FER: variants seen among roughly 807,000 people sequenced by gnomAD.
FER encodes tyrosine-protein kinase Fer.
In FER, 63 loss-of-function variants were observed where a neutral mutation model predicts 111.0. The observed-to-expected ratio is 0.57, with a 90% CI of 0.46 to 0.70. The LOEUF is 0.70. Among genes scored for constraint, FER ranks in the 30% least tolerant of loss-of-function variants. FER has a pLI of 0.00. For missense variants in FER, 914 were observed against 954.0 expected, an observed-to-expected ratio of 0.96 and a Z score of 0.55; for synonymous variants, 327 against 313.9, an observed-to-expected ratio of 1.04 and a Z score of -0.44.
rs567710106 is a variant in FER, at chr5:108,764,331, A to G, written c.-205-3762A>G. Among the ~76,000 whole-genome samples, 32 of 152,210 alleles carry G rather than the reference A, an allele frequency of 2.1e-4. No individual in the cohort carries two copies. The South Asian group carries it at 6.6e-3, about 32-fold the overall frequency. ...CTACTTCATTTATTTTTTACCTACC[A>G]CATATCATGAACAAGAAATTTTCTT... On this transcript the variant is annotated intron_variant, in intron 1 of 19. Transcript: ENST00000281092.
intron 13 of FER, among the ~76,000 whole-genome samples, chr5:108,999,284 A>G (rs565831093): frequency 2.6e-5 from 4 of 152,090 alleles, no homozygotes; most frequent in South Asian, 2.1e-4. Flanking sequence ...TTTTTATACA[A>G]TTTTACTATT....
chr5:108,965,014 A>G lies in FER; in HGVS notation c.1656+5667A>G, dbSNP rs373130470. On this transcript the variant is annotated intron_variant, in intron 13 of 19. Coordinates refer to ENST00000281092, the MANE Select transcript of FER (RefSeq NM_005246.4). ...TAGCTCTTTAAAATTAGATAATTAA[A>G]TATCAAATTGGATTTCCAGGCATGG... Among the ~76,000 whole-genome samples the G allele has an allele frequency of 2.0e-4, 31 of 152,270 alleles. 1 individual carries two copies. In the East Asian group the frequency reaches 2.5e-3, roughly 12 times the overall value.
At chr5:109,026,571 A>G (rs11952784) in intron 13 of FER, among the ~76,000 whole-genome samples, 2,506 of 152,322 alleles carry the variant, frequency 0.016, 58 homozygotes, top group African/African-American at 0.057. Flanking sequence ...GGAGATAATG[A>G]AGCAGGCTGA....
chr5:108,782,768 G>A (rs1754239662), intron 2 of FER: 1 of 152,184 alleles, frequency 6.6e-6, no homozygotes, highest in African/African-American at 2.4e-5. Flanking sequence ...ATGAGCCACT[G>A]TGCAAGGACT....
At chr5:109,174,319 A>G (rs1302296744) in intron 17 of FER, among the ~76,000 whole-genome samples, 1 of 152,222 alleles carries the variant, frequency 6.6e-6, no homozygotes, top group Non-Finnish European at 1.5e-5. Flanking sequence ...AAATGGAAAT[A>G]AGCAACATCT....
chr5:109,149,841 A>G (rs1183298275), intron 17 of FER, among the ~76,000 whole-genome samples: 1 of 152,156 alleles, frequency 6.6e-6, no homozygotes, highest in Non-Finnish European at 1.5e-5. Flanking sequence ...TATTTACTTT[A>G]AACCAGTACG....
chr5:108,749,356 G>T (rs1313161751), intron 1 of FER, among the ~76,000 whole-genome samples: 1 of 152,064 alleles, frequency 6.6e-6, no homozygotes, highest in Non-Finnish European at 1.5e-5. Context: ...GGCTGTGGCG[G>T]GCGTAGTGGC....
At chr5:109,148,233 A>G (rs759056759) in intron 17 of FER, among the ~76,000 whole-genome samples, 13 of 152,116 alleles carry the variant, frequency 8.5e-5, no homozygotes, top group Non-Finnish European at 1.5e-4. Context: ...AATGTATGCC[A>G]TACAGTTACC....
In FER at chr5:108,993,611, GAGGGCA is replaced by G. The variant is rs1412766374; in HGVS notation, c.1656+34270_1656+34275del. ...AGAGGGAGAGGGCGAGGGCGAGGGA[GAGGGCA>G]AGGGCGAGGGCGAGGGTGAGGGCGA... On this transcript the variant is annotated intron_variant, in intron 13 of 19. Transcript: ENST00000281092. 1.3e-4 allele frequency among the ~76,000 whole-genome samples: 15 copies of G among 119,270 alleles called. No individual in the cohort carries two copies. In the East Asian group the frequency reaches 1.4e-3, roughly 11 times the overall value. The allele number at this position is 119,270 out of a possible 152,430, so 78.2% of individuals were successfully genotyped here. A position where few individuals can be genotyped will look rare whatever the true frequency, so the allele number is the denominator to read the frequency against.
chr5:108,927,250 C>CTTTTTTTTTTTTT (rs773963733), intron 10 of FER, among the ~76,000 whole-genome samples: 8 of 95,374 alleles, frequency 8.4e-5, no homozygotes, highest in African/African-American at 3.7e-4. Flanking sequence ...TGAGAAGTGG[C>CTTTTTTTTTTTTT]TCTTTTTTTT....
intron 13 of FER, among the ~76,000 whole-genome samples, chr5:108,968,184 C>T (rs924665117): frequency 2.0e-5 from 3 of 152,112 alleles, no homozygotes; most frequent in Non-Finnish European, 2.9e-5. Flanking sequence ...GTCAGGAGTT[C>T]GAGACAAGCC....
At chr5:109,003,797 T>C (rs1273151620) in intron 13 of FER, among the ~76,000 whole-genome samples, 1 of 151,938 alleles carries the variant, frequency 6.6e-6, no homozygotes, top group Admixed American at 6.6e-5. Flanking sequence ...CTAGGCATCA[T>C]AGAGAGACCC....
intron 16 of FER, among the ~76,000 whole-genome samples, chr5:109,082,021 T>C (rs978325575): frequency 1.3e-5 from 2 of 149,860 alleles, no homozygotes; most frequent in African/African-American, 4.9e-5. Flanking sequence ...ATTATTTTAC[T>C]ATATCTTATT....
chr5:108,836,989 C>A (rs961952730), intron 5 of FER, among the ~76,000 whole-genome samples: 1 of 152,070 alleles, frequency 6.6e-6, no homozygotes, highest in Admixed American at 6.6e-5. Context: ...TGTAACTCAG[C>A]CAAGACTTTG....
At chr5:109,156,495 G>T (rs188840841) in intron 17 of FER, among the ~76,000 whole-genome samples, 1 of 151,894 alleles carries the variant, frequency 6.6e-6, no homozygotes, top group Admixed American at 6.6e-5. Flanking sequence ...TGGAACAAAG[G>T]AGGAATTTAG....
intron 8 of FER, among the ~76,000 whole-genome samples, chr5:108,881,749 G>C (rs1448862128): frequency 1.3e-5 from 2 of 151,998 alleles, no homozygotes; most frequent in Non-Finnish European, 2.9e-5. Context: ...GGAGAGGAGA[G>C]GTAGTGGGTT....
intron 3 of FER, among the ~76,000 whole-genome samples, chr5:108,828,756 A>G (rs1198935733): frequency 6.6e-6 from 1 of 152,194 alleles, no homozygotes; most frequent in Non-Finnish European, 1.5e-5. Context: ...TAATGAAGCA[A>G]TTTTAAGGTC....
At chr5:108,976,414 T>C (rs1761346058) in intron 13 of FER, among the ~76,000 whole-genome samples, 1 of 152,194 alleles carries the variant, frequency 6.6e-6, no homozygotes, top group South Asian at 2.1e-4. Flanking sequence ...ATCAAGGTTT[T>C]CTAAGGTGGG....
intron 2 of FER, among the ~76,000 whole-genome samples, chr5:108,776,289 ATAGTT>A (rs1192523034): frequency 2.0e-5 from 3 of 152,154 alleles, no homozygotes; most frequent in African/African-American, 7.2e-5. Context: ...TTTCAGTAGT[ATAGTT>A]GAATCTCTAT....
Sources: gnomAD v4.1 joint callset for allele counts (sites outside exome capture counted in the v4.1 genomes callset) on GRCh38, gnomAD v4.1.1 for gene constraint, MANE v1.5 for transcripts, NCBI Gene and HGNC (gene_info 2026-07-23, HGNC 2026-07-21) for gene names.